DPP10: variants seen among roughly 807,000 people sequenced by gnomAD.
DPP10 encodes inactive dipeptidyl peptidase 10.
DPP10 carries 33 observed loss-of-function variants against 120.9 expected under a neutral mutation model. The ratio of observed to expected loss-of-function variants is 0.27; its 90% CI spans 0.21 to 0.37. The LOEUF is 0.37. Ranked by LOEUF, DPP10 falls within the 10% of genes least tolerant of loss-of-function variation. The pLI is 1.00. For synonymous variants in DPP10, 337 were observed against 326.1 expected (o/e 1.03, Z -0.36); for missense variants, 816 against 942.8 (o/e 0.87, Z 1.76).
intron 1 of DPP10, among the ~76,000 whole-genome samples, chr2:114,771,777 G>A (rs528608910): frequency 4.4e-4 from 67 of 152,278 alleles, no homozygotes; most frequent in African/African-American, 1.4e-3. Context: ...ATCTCAGTCT[G>A]ATTTGAGGCT....
At chr2:115,718,903 C>T (rs1213761046) in intron 7 of DPP10, among the ~76,000 whole-genome samples, 1 of 151,916 alleles carries the variant, frequency 6.6e-6, no homozygotes, top group African/African-American at 2.4e-5. Flanking sequence ...TAGATAAAAC[C>T]ATCTTCTAGC....
At chr2:114,522,202 T>G (rs1685126703) in intron 1 of DPP10, among the ~76,000 whole-genome samples, 1 of 151,648 alleles carries the variant, frequency 6.6e-6, no homozygotes, top group Non-Finnish European at 1.5e-5. Flanking sequence ...GCCGGGATGG[T>G]CTCGATCTCC....
chr2:115,641,724 A>G (rs1443940896), intron 5 of DPP10, among the ~76,000 whole-genome samples: 1 of 152,200 alleles, frequency 6.6e-6, no homozygotes, highest in Non-Finnish European at 1.5e-5. Flanking sequence ...TTCAATGTGC[A>G]TGTGGAATAA....
intron 3 of DPP10, among the ~76,000 whole-genome samples, chr2:115,354,686 A>G (rs1360591508): frequency 6.6e-6 from 1 of 151,096 alleles, no homozygotes; most frequent in Non-Finnish European, 1.5e-5. Context: ...TTTGTCCTCT[A>G]AGTTCCCTCC....
chr2:114,493,480 T>C (rs983700932), intron 1 of DPP10, among the ~76,000 whole-genome samples: 7 of 152,046 alleles, frequency 4.6e-5, no homozygotes, highest in African/African-American at 1.7e-4. Context: ...TAGGAACCGG[T>C]AAGAGGACAT....
intron 2 of DPP10, among the ~76,000 whole-genome samples, chr2:115,327,304 A>G (rs149895469): frequency 1.3e-5 from 2 of 152,158 alleles, no homozygotes; most frequent in South Asian, 2.1e-4. Flanking sequence ...GCCTAATAGC[A>G]CATTCCTCAG....
chr2:115,177,809 G>A (rs2053800784), intron 1 of DPP10, among the ~76,000 whole-genome samples: 1 of 151,566 alleles, frequency 6.6e-6, no homozygotes, highest in Non-Finnish European at 1.5e-5. Flanking sequence ...TGTGGCCCAG[G>A]CTGGAGTACA....
At chr2:115,122,891 G>T (rs1319640952) in intron 1 of DPP10, among the ~76,000 whole-genome samples, 1 of 152,180 alleles carries the variant, frequency 6.6e-6, no homozygotes. Flanking sequence ...ATCAGGGGGA[G>T]CTGTGAGATC....
At chr2:115,777,573 TG>T (rs1682266760) in intron 14 of DPP10, among the ~76,000 whole-genome samples, 1 of 152,112 alleles carries the variant, frequency 6.6e-6, no homozygotes. Context: ...GAAAAAAATA[TG>T]TTTCCTAGTT....
intron 5 of DPP10, among the ~76,000 whole-genome samples, chr2:115,556,340 C>T (rs1054131478): frequency 4.1e-5 from 6 of 147,596 alleles, no homozygotes; most frequent in Admixed American, 6.9e-5. Flanking sequence ...TTTCTTAAAA[C>T]GTTGTGAGAT....
At chr2:114,950,788 T>C (rs1203439871) in intron 1 of DPP10, among the ~76,000 whole-genome samples, 1 of 152,128 alleles carries the variant, frequency 6.6e-6, no homozygotes, top group Non-Finnish European at 1.5e-5. Context: ...AAATGTCAGA[T>C]TATTTTCAAA....
At chr2:114,727,666 A>T (rs1418910004) in intron 1 of DPP10, among the ~76,000 whole-genome samples, 1 of 152,200 alleles carries the variant, frequency 6.6e-6, no homozygotes, top group South Asian at 2.1e-4. Context: ...TTGTTCCCCG[A>T]TGGCTGCACA....
chr2:115,638,405 C>T (rs2086523928), intron 5 of DPP10, among the ~76,000 whole-genome samples: 1 of 152,204 alleles, frequency 6.6e-6, no homozygotes. Context: ...TTCATCTACA[C>T]ATTTCAGTCA....
At chr2:115,806,898 A>C (rs1192765757) in intron 19 of DPP10, among the ~76,000 whole-genome samples, 16 of 152,026 alleles carry the variant, frequency 1.1e-4, no homozygotes, top group Non-Finnish European at 1.5e-5. Flanking sequence ...ATCATATCCA[A>C]AGTGGACCTG....
chr2:114,653,025 A>AGTGTGTGTGT (rs753807245), intron 1 of DPP10, among the ~76,000 whole-genome samples: 1,274 of 118,738 alleles, frequency 0.011, 17 homozygotes, highest in African/African-American at 0.05. Flanking sequence ...AGAGAGAGAG[A>AGTGTGTGTGT]GAGTGTGTGT....
intron 1 of DPP10, among the ~76,000 whole-genome samples, chr2:114,825,603 A>C (rs1686456022): frequency 6.6e-6 from 1 of 152,232 alleles, no homozygotes; most frequent in Non-Finnish European, 1.5e-5. Context: ...AAGGATGCTC[A>C]ATTATATGTG....
At chr2:115,088,817 T>C (rs111919509) in intron 1 of DPP10, among the ~76,000 whole-genome samples, 1 of 140,398 alleles carries the variant, frequency 7.1e-6, no homozygotes, top group African/African-American at 2.6e-5. Flanking sequence ...TTAAAAAATA[T>C]AATGAATTTA....
chr2:114,473,861 TTACATACA>T (rs577030675), intron 1 of DPP10, among the ~76,000 whole-genome samples: 3 of 152,154 alleles, frequency 2.0e-5, no homozygotes, highest in South Asian at 2.1e-4. Context: ...ATATTTATAC[TTACATACA>T]TACATACATA....
At chr2:114,647,126 A>G (rs1696200676) in intron 1 of DPP10, among the ~76,000 whole-genome samples, 1 of 152,222 alleles carries the variant, frequency 6.6e-6, no homozygotes, top group South Asian at 2.1e-4. Context: ...GAAGAAAGCA[A>G]GCTGAACACG....
Sources: gnomAD v4.1 joint callset for allele counts (sites outside exome capture counted in the v4.1 genomes callset) on GRCh38, gnomAD v4.1.1 for gene constraint, MANE v1.5 for transcripts, NCBI Gene and HGNC (gene_info 2026-07-23, HGNC 2026-07-21) for gene names.